The following MAMLD1 variants were observed in gnomAD, a reference collection of about 807,000 sequenced individuals.
The protein encoded by MAMLD1 is mastermind like domain containing 1.
MAMLD1 carries 14 observed loss-of-function variants against 45.0 expected under a neutral mutation model. That is an observed-to-expected ratio of 0.31 (90% CI 0.21 to 0.49). The LOEUF is 0.49. Among genes scored for constraint, MAMLD1 ranks in the 20% least tolerant of loss-of-function variants. The probability of loss-of-function intolerance (pLI) is 0.99; values close to 1 mark genes in which losing one functional copy is unlikely to be tolerated. For synonymous variants in MAMLD1, 254 were observed against 247.8 expected (o/e 1.02, Z -0.24); for missense variants, 543 against 603.6 (o/e 0.90, Z 1.05).
At chrX:150,414,621 T>C (rs1374628498) in intron 1 of MAMLD1, among the ~76,000 whole-genome samples, 1 of 111,508 alleles carries the variant, frequency 9.0e-6, no homozygotes, top group Non-Finnish European at 1.9e-5. Flanking sequence ...AGCATGAAAT[T>C]GAGATCCAAA....
intron 2 of MAMLD1, among the ~76,000 whole-genome samples, chrX:150,452,678 T>A (rs1438848462): frequency 3.7e-5 from 4 of 108,195 alleles, no homozygotes; most frequent in Admixed American, 9.8e-5. Context: ...TGTATACATG[T>A]GCCACACTGG....
At chrX:150,387,455 T>C (rs1381468655) in intron 1 of MAMLD1, among the ~76,000 whole-genome samples, 2 of 112,161 alleles carry the variant, frequency 1.8e-5, no homozygotes, top group Admixed American at 9.5e-5. Context: ...TCCTGTTATT[T>C]TGATATTTTT....
In MAMLD1 at chrX:150,470,695, C is replaced by T. The variant is rs1204319197; in HGVS notation, c.1122C>T (p.Thr374=). Residue 374 remains threonine, a synonymous_variant, in exon 4 of 8, where the codon ACC becomes ACT. Coordinates refer to ENST00000370401, the MANE Select transcript of MAMLD1 (RefSeq NM_005491.5). ...TGGTGTCCTGCATGTCGTCCAATAC[C>T]TTGTCGGGTAGCACTCTCCGAGGCT... The part of the protein sequence containing the change: ...SLMVSCMSSN[T]LSGSTLRGSP... 8.3e-7 allele frequency: 1 copy of T among 1,210,356 alleles called. No homozygotes were observed. The highest frequency in any genetic ancestry group is 1.1e-6 in the Non-Finnish European group (1 of 895,319).
rs2036382374 is a variant in MAMLD1 at position 150,470,548 on chromosome X, C to A, written c.975C>A (p.Thr325=). ...QGSATKQQGP[T]PSWSGLPPPG... Reference sequence around the variant, plus strand: ...CTGCTACAAAGCAGCAAGGGCCCACCCCCAGTTGGTCTGGTCTGCCTCCTC... The same window carrying A: ...CTGCTACAAAGCAGCAAGGGCCCACACCCAGTTGGTCTGGTCTGCCTCCTC... Residue 325 remains threonine, a synonymous_variant, in exon 4 of 8, where the codon ACC becomes ACA. Coordinates refer to ENST00000370401, the MANE Select transcript of MAMLD1 (RefSeq NM_005491.5). 8.3e-7 allele frequency: 1 copy of A among 1,209,920 alleles called. No individual in the cohort carries two copies. Among genetic ancestry groups the A allele is most frequent in the Non-Finnish European group, 1.1e-6 (1 of 895,176 alleles).
At chrX:150,423,231 C>T (rs782484388) in intron 1 of MAMLD1, among the ~76,000 whole-genome samples, 2 of 112,218 alleles carry the variant, frequency 1.8e-5, no homozygotes, top group East Asian at 5.6e-4. Flanking sequence ...ACTACAAAAC[C>T]AAACAATTTC....
chrX:150,483,392 A>T lies in MAMLD1; in HGVS notation c.2040+9590A>T, dbSNP rs139033986. Among the ~76,000 whole-genome samples, 23 of 112,604 alleles carry T rather than the reference A, an allele frequency of 2.0e-4. No individual in the cohort carries two copies. In the East Asian group the frequency reaches 6.1e-3, roughly 30 times the overall value. On this transcript the variant is annotated intron_variant, in intron 5 of 7. Transcript: ENST00000370401. ...CTAGCTCTGTAATGTAAGCTGAATG[A>T]TCCTTGGAATGAATGAGTAGAATAT...
chrX:150,475,351 G>A (rs2148309306), intron 5 of MAMLD1, among the ~76,000 whole-genome samples: 1 of 111,530 alleles, frequency 9.0e-6, no homozygotes, highest in Non-Finnish European at 1.9e-5. Context: ...TTACAGGCAG[G>A]AACCACCGCA....
intron 1 of MAMLD1, among the ~76,000 whole-genome samples, chrX:150,428,642 T>C (rs2034802681): frequency 8.9e-6 from 1 of 112,292 alleles, no homozygotes; most frequent in Non-Finnish European, 1.9e-5. Context: ...TTTCATAGGC[T>C]TGGATTCATC....
chrX:150,497,434 C>T (rs2037420351), intron 5 of MAMLD1, among the ~76,000 whole-genome samples: 1 of 108,976 alleles, frequency 9.2e-6, no homozygotes, highest in South Asian at 4.0e-4. Flanking sequence ...CAGGCACGCA[C>T]CACCATGCCC....
intron 2 of MAMLD1, among the ~76,000 whole-genome samples, chrX:150,446,389 C>A (rs887548539): frequency 6.3e-5 from 7 of 111,508 alleles, no homozygotes; most frequent in African/African-American, 1.6e-4. Flanking sequence ...CGGCTTCCTT[C>A]CTTTTCATAG....
chrX:150,424,427 T>G (rs1461959985), intron 1 of MAMLD1, among the ~76,000 whole-genome samples: 3 of 112,078 alleles, frequency 2.7e-5, no homozygotes, highest in Non-Finnish European at 5.6e-5. Flanking sequence ...AGCAGCAATG[T>G]CAAAAGTAGG....
intron 1 of MAMLD1, among the ~76,000 whole-genome samples, chrX:150,380,829 T>C (rs1034506084): frequency 1.7e-4 from 19 of 110,494 alleles, no homozygotes; most frequent in African/African-American, 5.3e-4. Flanking sequence ...TAGTCAGTGG[T>C]GGGGTGGTGT....
chrX:150,510,016 T>G lies in MAMLD1; in HGVS notation c.*14T>G. 3 of 1,206,413 alleles carry G rather than the reference T, an allele frequency of 2.5e-6. No individual in the cohort carries two copies. The highest frequency in any genetic ancestry group is 3.4e-6 in the Non-Finnish European group (3 of 890,566). On this transcript the variant is annotated 3_prime_UTR_variant, in exon 7 of 8. Coordinates refer to ENST00000370401, the MANE Select transcript of MAMLD1 (RefSeq NM_005491.5). ...AATGACCCCTGAACGGCAGAATGCA[T>G]ATATCTCCCAACAGATGAGTCCATT...
intron 6 of MAMLD1, among the ~76,000 whole-genome samples, chrX:150,508,490 A>G (rs2037802616): frequency 8.9e-6 from 1 of 111,972 alleles, no homozygotes; most frequent in South Asian, 3.7e-4. Context: ...CAGGACAGGA[A>G]GCAGGCTAAG....
intron 1 of MAMLD1, among the ~76,000 whole-genome samples, chrX:150,414,807 C>A (rs1487788311): frequency 8.9e-6 from 1 of 111,955 alleles, no homozygotes; most frequent in Admixed American, 9.4e-5. Context: ...GGCCTGCCAG[C>A]AATCCAGTAC....
intron 3 of MAMLD1, 108 bp from the exon 4 acceptor site, chrX:150,469,637 C>G (rs2036341511): frequency 3.4e-5 from 5 of 146,937 alleles, no homozygotes; most frequent in Non-Finnish European, 3.7e-5. Context: ...TTCTCTCTGT[C>G]TCTCTCTCTC....
intron 1 of MAMLD1, among the ~76,000 whole-genome samples, chrX:150,432,678 C>A (rs1415033044): frequency 8.9e-6 from 1 of 111,886 alleles, no homozygotes; most frequent in African/African-American, 3.2e-5. Flanking sequence ...ATATGGAGTT[C>A]TTTCTTCATT....
At chrX:150,475,086 G>T (rs1268266918) in intron 5 of MAMLD1, among the ~76,000 whole-genome samples, 1 of 112,321 alleles carries the variant, frequency 8.9e-6, no homozygotes, top group Non-Finnish European at 1.9e-5. Context: ...GCCAAGCTGA[G>T]CCTCAGGAAC....
chrX:150,386,165 T>A (rs1238989326), intron 1 of MAMLD1, among the ~76,000 whole-genome samples: 5 of 111,543 alleles, frequency 4.5e-5, no homozygotes, highest in African/African-American at 1.3e-4. Flanking sequence ...TGTCATAAAT[T>A]CTGTAAAGTC....
Sources: allele counts gnomAD v4.1 joint callset (sites outside exome capture counted in the v4.1 genomes callset), GRCh38; gene constraint gnomAD v4.1.1; transcripts MANE v1.5; gene names NCBI Gene and HGNC (gene_info 2026-07-23, HGNC 2026-07-21).